The following ECT2L variants were observed in gnomAD, a reference collection of about 807,000 sequenced individuals.
ECT2L encodes epithelial cell transforming 2 like.
In ECT2L, 126 loss-of-function variants were observed where a neutral mutation model predicts 122.8. That is an observed-to-expected ratio of 1.03 (90% CI 0.89 to 1.19). The LOEUF (loss-of-function observed/expected upper bound fraction) is 1.19. ECT2L is among the 50% of genes most tolerant of loss of function. ECT2L has a pLI of 0.00. For synonymous variants in ECT2L, 385 were observed against 381.8 expected, an observed-to-expected ratio of 1.01 and a Z score of -0.10; for missense variants, 1,012 against 1,064.1, an observed-to-expected ratio of 0.95 and a Z score of 0.68.
intron 15 of ECT2L, among the ~76,000 whole-genome samples, chr6:138,882,256 G>A (rs1180257868): frequency 6.6e-6 from 1 of 152,180 alleles, no homozygotes; most frequent in African/African-American, 2.4e-5. Context: ...AGCTCCTACA[G>A]TGAAGAGGTT....
chr6:138,901,838 T>C (rs1779406219), intron 21 of ECT2L, among the ~76,000 whole-genome samples: 2 of 152,202 alleles, frequency 1.3e-5, no homozygotes, highest in African/African-American at 4.8e-5. Context: ...TTGGTTAAAG[T>C]TGGAACCCAA....
At chr6:138,881,296 G>A in intron 15 of ECT2L, 125 bp downstream of exon 15, 1 of 930,304 alleles carries the variant, frequency 1.1e-6, no homozygotes, top group South Asian at 1.6e-5. Context: ...CCTGATTATA[G>A]CAGCGAGATC....
In ECT2L at chr6:138,849,573, CTTTTTT is replaced by C. The variant is rs761157171; in HGVS notation, c.1069+151_1069+156del. On this transcript the variant is annotated intron_variant, in intron 9 of 21. Coordinates refer to ENST00000541398, the MANE Select transcript of ECT2L (RefSeq NM_001077706.3). ...TTTTGGCTTTATGAAAAAAGCGAAGCTTTTTTTTTTTTTTTTTAATTCAGGGTCTCT... is the reference window on the plus strand; with the variant it reads ...TTTTGGCTTTATGAAAAAAGCGAAGCTTTTTTTTTTTAATTCAGGGTCTCT... The C allele has an allele frequency of 7.8e-6, 4 of 509,960 alleles. No homozygotes were observed. The South Asian group carries it at 1.1e-4, about 14-fold the overall frequency. 31.6% of individuals were successfully genotyped at this position (509,960 alleles called of 1,614,324 possible).
intron 20 of ECT2L, among the ~76,000 whole-genome samples, chr6:138,890,981 C>T (rs1205564507): frequency 2.0e-5 from 3 of 152,058 alleles, no homozygotes; most frequent in African/African-American, 7.3e-5. Flanking sequence ...AATTCTAGGC[C>T]TCCCAATCGA....
At chr6:138,840,234 T>C (rs904401084) in intron 5 of ECT2L, among the ~76,000 whole-genome samples, 1 of 152,150 alleles carries the variant, frequency 6.6e-6, no homozygotes, top group Non-Finnish European at 1.5e-5. Context: ...TTGGTCTTGC[T>C]GTCTTGGGGG....
intron 7 of ECT2L, among the ~76,000 whole-genome samples, chr6:138,846,326 T>A (rs1432797445): frequency 6.6e-6 from 1 of 152,148 alleles, no homozygotes; most frequent in African/African-American, 2.4e-5. Context: ...GCATCCCACA[T>A]GTGGTGGAGG....
At chr6:138,830,340 ATCCCTGCT>A (rs1776603981) in intron 4 of ECT2L, among the ~76,000 whole-genome samples, 1 of 152,158 alleles carries the variant, frequency 6.6e-6, no homozygotes. Flanking sequence ...GGGCCCTGTG[ATCCCTGCT>A]TCAACGACTT....
Position 138,844,527 on chromosome 6 carries a change from T to G in ECT2L, c.711T>G (p.His237Gln), listed in dbSNP as rs1319752006. 3.1e-6 allele frequency: 5 copies of G among 1,614,062 alleles called. No homozygotes were observed. The South Asian group carries it at 5.5e-5, about 18-fold the overall frequency. The change falls in exon 7 of 22, where the codon CAT becomes CAG. Residue 237 changes from histidine (H) to glutamine (Q), a missense_variant. His to Gln is a conservative substitution (Grantham distance 24). Coordinates refer to ENST00000541398, the MANE Select transcript of ECT2L (RefSeq NM_001077706.3). ...SQTVRERVGL[H>Q]EALEKQLVLT... The stretch of plus-strand genomic sequence containing the variant: ...CTGTAAGGGAGCGAGTGGGATTACA[T>G]GAAGCTTTGGAGAAACAGCTTGTTT...
chr6:138,806,758 C>A (rs1775725281), intron 1 of ECT2L, among the ~76,000 whole-genome samples: 1 of 151,808 alleles, frequency 6.6e-6, no homozygotes, highest in Non-Finnish European at 1.5e-5. Context: ...GGTGATCCAC[C>A]CACCTCGGCC....
chr6:138,814,689 G>A (rs1262183902), intron 4 of ECT2L, 86 bp downstream of exon 4: 2 of 782,848 alleles, frequency 2.6e-6, no homozygotes, highest in African/African-American at 1.8e-5. Context: ...GAGATTTTTT[G>A]TTCCTAGGGA....
chr6:138,844,795 C>CTTTTT (rs11398299), intron 7 of ECT2L, among the ~76,000 whole-genome samples: 2 of 126,668 alleles, frequency 1.6e-5, no homozygotes, highest in Non-Finnish European at 3.2e-5. Context: ...TTTAAATGTT[C>CTTTTT]TTTTTTTTTT....
intron 4 of ECT2L, among the ~76,000 whole-genome samples, chr6:138,828,733 C>T (rs1562461546): frequency 6.6e-6 from 1 of 152,144 alleles, no homozygotes; most frequent in Non-Finnish European, 1.5e-5. Context: ...AGGAAAGACA[C>T]ATGTTGATTT....
rs780894567 is a variant in ECT2L at position 138,865,115 on chromosome 6, G to C, written c.1411G>C (p.Val471Leu). The C allele has an allele frequency of 1.2e-6, 2 of 1,613,924 alleles. No individual in the cohort carries two copies. The highest frequency in any genetic ancestry group is 2.7e-5 in the African/African-American group (2 of 74,906). Residue 471 changes from valine to leucine, a missense_variant, in exon 12 of 22, where the codon GTA becomes CTA. Transcript: ENST00000541398. ...CTTCCTAGAAGAAACCTTGAAAACA[G>C]TAAGGAAGCAGCTGTATCCTTTCTT... The part of the protein sequence containing the change: ...TDFLEETLKT[V>L]RKQLYPFFKE...
At chr6:138,854,494 C>T (rs1423355390) in intron 10 of ECT2L, among the ~76,000 whole-genome samples, 1 of 152,056 alleles carries the variant, frequency 6.6e-6, no homozygotes. Flanking sequence ...GAAAACACCC[C>T]CTGCCGCCTT....
intron 7 of ECT2L, among the ~76,000 whole-genome samples, chr6:138,845,241 G>A (rs1280194163): frequency 2.2e-5 from 3 of 136,320 alleles, no homozygotes; most frequent in African/African-American, 8.3e-5. Context: ...TTTAACTTTG[G>A]ATTTTTTTTT....
intron 13 of ECT2L, among the ~76,000 whole-genome samples, chr6:138,874,570 TTCTAAAATAGCCAAGGTGG>T (rs1778374469): frequency 6.6e-6 from 1 of 152,124 alleles, no homozygotes; most frequent in South Asian, 2.1e-4. Context: ...AGCGAGCAGG[TTCTAAAATAGCCAAGGTGG>T]TCTGGGGGGG....
At position 138,838,473 on chromosome 6, in the gene ECT2L, G is replaced by T. The variant is rs756674110; in HGVS notation, c.301G>T (p.Ala101Ser). Residue 101 changes from alanine (A) to serine (S), a missense_variant, in exon 5 of 22, where the codon GCT becomes TCT. Coordinates refer to ENST00000541398, the MANE Select transcript of ECT2L (RefSeq NM_001077706.3). ...SFLSPKDLCA[A>S]AQVSWPWKFL... ...TTTGAGTCCGAAAGATTTGTGTGCC[G>T]CTGCCCAAGTCAGCTGGCCCTGGAA... 23 of 1,613,324 alleles carry T rather than the reference G, an allele frequency of 1.4e-5. No individual in the cohort carries two copies. The South Asian group carries it at 2.4e-4, about 17-fold the overall frequency.
At chr6:138,867,082 C>CA (rs1184413858) in intron 12 of ECT2L, among the ~76,000 whole-genome samples, 2 of 137,284 alleles carry the variant, frequency 1.5e-5, no homozygotes, top group Non-Finnish European at 3.0e-5. Flanking sequence ...TCAAAAAAAA[C>CA]AAAAAAACAA....
At chr6:138,889,067 C>T (rs1161345897) in intron 20 of ECT2L, 36 bp downstream of exon 20, 2 of 1,210,662 alleles carry the variant, frequency 1.7e-6, no homozygotes, top group African/African-American at 3.1e-5. Flanking sequence ...GCTGTGGACA[C>T]CTTCCAAGCA....
Sources: gnomAD v4.1 joint callset for allele counts (sites outside exome capture counted in the v4.1 genomes callset) on GRCh38, gnomAD v4.1.1 for gene constraint, MANE v1.5 for transcripts, NCBI Gene and HGNC (gene_info 2026-07-23, HGNC 2026-07-21) for gene names.